The following NLK variants were observed in gnomAD, a reference collection of about 807,000 sequenced individuals.
NLK encodes the protein serine/threonine-protein kinase NLK.
In NLK, 11 loss-of-function variants were observed where a neutral mutation model predicts 59.0. That is an observed-to-expected ratio of 0.19 (90% CI 0.12 to 0.31). The LOEUF (loss-of-function observed/expected upper bound fraction) is 0.31, where lower values mean the gene tolerates loss of function less well. Ranked by LOEUF, NLK falls within the 10% of genes least tolerant of loss-of-function variation. The probability of loss-of-function intolerance (pLI) is 1.00; values close to 1 mark genes in which losing one functional copy is unlikely to be tolerated. For missense variants in NLK, 410 were observed against 661.1 expected (o/e 0.62, Z 4.16); for synonymous variants, 235 against 235.9 (o/e 1.00, Z 0.03).
intron 1 of NLK, among the ~76,000 whole-genome samples, chr17:28,059,738 A>C (rs1288032457): frequency 6.6e-6 from 1 of 152,076 alleles, no homozygotes; most frequent in African/African-American, 2.4e-5. Context: ...GGCTCTCTGA[A>C]AAATAAAAAA....
intron 1 of NLK, among the ~76,000 whole-genome samples, chr17:28,051,655 CTT>C (rs749091116): frequency 1.1e-4 from 15 of 137,774 alleles, no homozygotes; most frequent in Admixed American, 1.5e-4. Context: ...CTGCGCCCGG[CTT>C]TTTTTTTTTT....
intron 1 of NLK, among the ~76,000 whole-genome samples, chr17:28,072,945 T>C (rs181345461): frequency 3.9e-5 from 6 of 152,308 alleles, no homozygotes; most frequent in African/African-American, 1.4e-4. Flanking sequence ...TGCTTGTTTC[T>C]TTGGTGATTT....
chr17:28,180,811 T>A (rs1908874560), intron 7 of NLK, among the ~76,000 whole-genome samples: 1 of 152,182 alleles, frequency 6.6e-6, no homozygotes, highest in African/African-American at 2.4e-5. Flanking sequence ...ATCAAATTAC[T>A]TCACTTTACA....
chr17:28,064,759 G>GC (rs1555555879), intron 1 of NLK, among the ~76,000 whole-genome samples: 9 of 152,126 alleles, frequency 5.9e-5, no homozygotes, highest in African/African-American at 2.2e-4. Context: ...ACATTCTGCT[G>GC]TTTTTTATTG....
At chr17:28,138,133 A>G (rs1021283443) in intron 3 of NLK, among the ~76,000 whole-genome samples, 13 of 152,320 alleles carry the variant, frequency 8.5e-5, no homozygotes, top group Admixed American at 8.5e-4. Flanking sequence ...TTCAGTCAGG[A>G]TTCTGGATGC....
chr17:28,202,731 A>G, the NLK span, among the ~76,000 whole-genome samples: 3 of 142,312 alleles, frequency 2.1e-5, no homozygotes, highest in African/African-American at 8.0e-5. Context: ...CACCCAGGCT[A>G]GAGTGCAATG....
chr17:28,049,649 T>C (rs962749627), intron 1 of NLK, among the ~76,000 whole-genome samples: 1 of 151,994 alleles, frequency 6.6e-6, no homozygotes, highest in South Asian at 2.1e-4. Context: ...GGTGGAGAGG[T>C]GAAACTAAAT....
At chr17:28,161,395 C>T (rs1249502616) in intron 4 of NLK, 129 bp downstream of exon 4, 1 of 564,628 alleles carries the variant, frequency 1.8e-6, no homozygotes, top group Non-Finnish European at 3.1e-6. Flanking sequence ...TTGACCAAAG[C>T]ATATTTTATA....
chr17:28,145,104 G>T (rs1907191019), intron 3 of NLK, among the ~76,000 whole-genome samples: 1 of 152,138 alleles, frequency 6.6e-6, no homozygotes, highest in Non-Finnish European at 1.5e-5. Context: ...TTAATTGATA[G>T]TTTACATCAC....
downstream of NLK, among the ~76,000 whole-genome samples, chr17:28,196,555 T>C (rs1176246224): frequency 2.0e-5 from 3 of 152,218 alleles, no homozygotes; most frequent in Non-Finnish European, 4.4e-5. Flanking sequence ...CAAAAACATA[T>C]TGAAAATTTA....
At chr17:28,171,841 G>A (rs1035667995) in intron 6 of NLK, among the ~76,000 whole-genome samples, 1 of 152,104 alleles carries the variant, frequency 6.6e-6, no homozygotes, top group African/African-American at 2.4e-5. Context: ...GGACAGACAT[G>A]CAGACTCCCA....
rs1044886636 is a variant in NLK at position 28,042,703 on chromosome 17, C to A, written c.-171C>A. 18 of 558,900 alleles carry A rather than the reference C, an allele frequency of 3.2e-5. No individual in the cohort carries two copies. The highest frequency in any genetic ancestry group is 5.4e-5 in the Non-Finnish European group (18 of 336,100). The allele number at this position is 558,900 out of a possible 1,614,324, so 34.6% of individuals were successfully genotyped here. Reference sequence around the variant, plus strand: ...TTTTGGCAACCCACACCCTTCCACACACGCTCACCCCAAAATTAAACACCA... The same window carrying A: ...TTTTGGCAACCCACACCCTTCCACAAACGCTCACCCCAAAATTAAACACCA... On this transcript the variant is annotated 5_prime_UTR_variant, in exon 1 of 11. Transcript: ENST00000407008.
intron 8 of NLK, among the ~76,000 whole-genome samples, chr17:28,185,941 C>T (rs1296868787): frequency 6.6e-6 from 1 of 152,120 alleles, no homozygotes; most frequent in Admixed American, 6.5e-5. Flanking sequence ...TTTCCCAATA[C>T]CCTTTCTGGA....
chr17:28,120,235 GGT>G (rs10542547), intron 1 of NLK, among the ~76,000 whole-genome samples: 54,273 of 138,724 alleles, frequency 0.39, 9,261 homozygotes, highest in East Asian at 0.54. Context: ...TTTGGCTTGG[GGT>G]GTGTGTGTGT....
chr17:28,169,721 CTTT>C (rs1193124964), intron 6 of NLK, among the ~76,000 whole-genome samples: 17 of 111,596 alleles, frequency 1.5e-4, no homozygotes, highest in Non-Finnish European at 2.3e-4. Flanking sequence ...GCTTCTTCTT[CTTT>C]TTTTTTTTTT....
chr17:28,042,924 T>C lies in NLK; in HGVS notation c.51T>C (p.Asn17=), dbSNP rs1356966574. 1 of 1,543,004 alleles carries C rather than the reference T, an allele frequency of 6.5e-7. No individual in the cohort carries two copies. Among genetic ancestry groups the C allele is most frequent in the Non-Finnish European group, 8.8e-7 (1 of 1,142,248 alleles). ...ACGCAAAAATGATGGCGGCTTACAA[T>C]GGCGGTACATCTGCAGCAGCAGCAG... The part of the protein sequence containing the change: ...RANAKMMAAY[N]GGTSAAAAGH... Residue 17 remains asparagine, a synonymous_variant, in exon 1 of 11, where the codon AAT becomes AAC. Coordinates refer to ENST00000407008, the MANE Select transcript of NLK (RefSeq NM_016231.5).
chr17:28,199,696 A>AAAAAAAAAAAAAC (rs1567745805), downstream of NLK, among the ~76,000 whole-genome samples: 1 of 20,894 alleles, frequency 4.8e-5, no homozygotes, highest in African/African-American at 1.8e-4. Context: ...AAAACAAAAC[A>AAAAAAAAAAAAAC]AAAAAAAAAA....
At chr17:28,126,410 A>T (rs948660087) in intron 2 of NLK, among the ~76,000 whole-genome samples, 3 of 152,320 alleles carry the variant, frequency 2.0e-5, no homozygotes. Flanking sequence ...ATTGTTGTGG[A>T]CTTAGAAATT....
chr17:28,181,429 C>T (rs1267133571), intron 7 of NLK, among the ~76,000 whole-genome samples: 2 of 151,506 alleles, frequency 1.3e-5, no homozygotes, highest in African/African-American at 2.4e-5. Context: ...AAAAGCCAGC[C>T]GTGGTGGCAC....
Sources: gnomAD v4.1 joint callset for allele counts (sites outside exome capture counted in the v4.1 genomes callset) on GRCh38, gnomAD v4.1.1 for gene constraint, MANE v1.5 for transcripts, NCBI Gene and HGNC (gene_info 2026-07-23, HGNC 2026-07-21) for gene names.